STK3: variants seen among roughly 807,000 people sequenced by gnomAD.
The protein encoded by STK3 is serine/threonine kinase 3.
STK3 carries 41 observed loss-of-function variants against 58.0 expected under a neutral mutation model. The ratio of observed to expected loss-of-function variants is 0.71; its 90% CI spans 0.55 to 0.92. The LOEUF is 0.92. STK3 is among the 40% of genes least tolerant of loss of function. STK3 has a pLI of 0.00. For missense variants in STK3, 479 were observed against 602.7 expected, an observed-to-expected ratio of 0.79 and a Z score of 2.15; for synonymous variants, 170 against 191.0, an observed-to-expected ratio of 0.89 and a Z score of 0.91.
In STK3 at chr8:98,579,770, G is replaced by A. The variant is rs527380737; in HGVS notation, c.842C>T (p.Ala281Val). 1.3e-5 allele frequency: 20 copies of A among 1,575,116 alleles called. No homozygotes were observed. In the South Asian group the frequency reaches 2.2e-4, roughly 17 times the overall value. The change falls in exon 8 of 11, where the codon GCC becomes GTC. Residue 281 changes from alanine (A) to valine (V), a missense_variant. By Grantham distance (64) the Ala-to-Val change is moderately conservative. Coordinates refer to ENST00000419617, the MANE Select transcript of STK3 (RefSeq NM_006281.4). Reference sequence around the variant, plus strand: ...GTCTCTTAATATTGATACAGGTTTGGCATTCTTGATAAAAGGATGCTAAAA... The same window carrying A: ...GTCTCTTAATATTGATACAGGTTTGACATTCTTGATAAAAGGATGCTAAAA... ...QLLQHPFIKNAKPVSILRDLI... is the reference protein window; with the variant it reads ...QLLQHPFIKNVKPVSILRDLI...
At chr8:98,856,211 A>G (rs1016708288) in intron 3 of STK3, among the ~76,000 whole-genome samples, 2 of 148,764 alleles carry the variant, frequency 1.3e-5, no homozygotes, top group Admixed American at 6.8e-5. Flanking sequence ...CTGTAATCCC[A>G]CAGCTACTCA....
At chr8:98,872,324 C>A (rs1035107380) in intron 3 of STK3, among the ~76,000 whole-genome samples, 3 of 152,084 alleles carry the variant, frequency 2.0e-5, no homozygotes, top group Non-Finnish European at 4.4e-5. Context: ...TGTGTCTCTG[C>A]CAGGCTTTGG....
chr8:98,491,852 T>C (rs1822728724), intron 10 of STK3, among the ~76,000 whole-genome samples: 1 of 152,188 alleles, frequency 6.6e-6, no homozygotes, highest in Non-Finnish European at 1.5e-5. Flanking sequence ...ACCTTTTATG[T>C]TACTTATGCT....
intron 3 of STK3, among the ~76,000 whole-genome samples, chr8:98,859,121 A>G (rs1410072673): frequency 6.6e-6 from 1 of 152,198 alleles, no homozygotes; most frequent in Non-Finnish European, 1.5e-5. Context: ...AAATTTTCAC[A>G]CCAATAGCTA....
intron 3 of STK3, among the ~76,000 whole-genome samples, chr8:98,842,742 C>T (rs1051103843): frequency 2.0e-5 from 3 of 151,842 alleles, no homozygotes; most frequent in African/African-American, 7.3e-5. Flanking sequence ...TGGCTCATGC[C>T]TGTAATCTCA....
chr8:98,632,075 A>G (rs1819287549), intron 6 of STK3, among the ~76,000 whole-genome samples: 1 of 152,244 alleles, frequency 6.6e-6, no homozygotes, highest in Admixed American at 6.5e-5. Context: ...CTGAGCAGGC[A>G]CTCAATAAAT....
At chr8:98,905,501 A>G in intron 1 of STK3, 1 of 1,158,998 alleles carries the variant, frequency 8.6e-7, no homozygotes, top group South Asian at 1.2e-5. Context: ...GAAGCTTGTA[A>G]TGATGCAAGT....
chr8:98,541,846 G>A (rs981962636), intron 9 of STK3, among the ~76,000 whole-genome samples: 12 of 152,254 alleles, frequency 7.9e-5, no homozygotes, highest in South Asian at 2.1e-4. Context: ...ATTCTGATAC[G>A]ATTTCTTCTC....
At chr8:98,701,711 C>T (rs905601749) in intron 6 of STK3, among the ~76,000 whole-genome samples, 2 of 151,892 alleles carry the variant, frequency 1.3e-5, no homozygotes, top group Non-Finnish European at 2.9e-5. Flanking sequence ...CTCTCACACT[C>T]ACTTCCTAAA....
intron 1 of STK3, chr8:98,438,381 G>A (rs1818568261): frequency 6.6e-6 from 1 of 152,216 alleles, no homozygotes; most frequent in Admixed American, 6.5e-5. Context: ...AGAGCTTGAT[G>A]CCTAGAAACT....
At chr8:98,931,301 AT>A in intron 1 of STK3, among the ~76,000 whole-genome samples, 1 of 152,350 alleles carries the variant, frequency 6.6e-6, no homozygotes, top group Admixed American at 6.5e-5. Context: ...ATACTATCAA[AT>A]TAATAGAACA....
intron 1 of STK3, among the ~76,000 whole-genome samples, chr8:98,933,955 C>T (rs1277675609): frequency 6.6e-6 from 1 of 152,232 alleles, no homozygotes; most frequent in Non-Finnish European, 1.5e-5. Flanking sequence ...AGTCTCTCCA[C>T]ACTTATCTTT....
intron 8 of STK3, among the ~76,000 whole-genome samples, chr8:98,572,143 A>G (rs560590183): frequency 6.6e-6 from 1 of 152,346 alleles, no homozygotes; most frequent in South Asian, 2.1e-4. Context: ...AAGCCATACC[A>G]GCAAACTTAC....
intron 4 of STK3, among the ~76,000 whole-genome samples, chr8:98,738,634 T>G (rs1272261520): frequency 6.6e-6 from 1 of 152,134 alleles, no homozygotes; most frequent in African/African-American, 2.4e-5. Flanking sequence ...TAGGAACAGC[T>G]CTGGTCTACA....
At chr8:98,855,520 G>A (rs1485575575) in intron 3 of STK3, among the ~76,000 whole-genome samples, 1 of 152,106 alleles carries the variant, frequency 6.6e-6, no homozygotes, top group Non-Finnish European at 1.5e-5. Context: ...CTCAAAATTG[G>A]TTAGTGACAT....
intron 3 of STK3, among the ~76,000 whole-genome samples, chr8:98,417,586 C>G (rs941854301): frequency 1.3e-5 from 2 of 152,172 alleles, no homozygotes; most frequent in African/African-American, 4.8e-5. Context: ...TGAATCCTGG[C>G]TCTATCATTG....
At chr8:98,690,724 G>A (rs1470482526) in intron 6 of STK3, among the ~76,000 whole-genome samples, 1 of 151,946 alleles carries the variant, frequency 6.6e-6, no homozygotes, top group African/African-American at 2.4e-5. Flanking sequence ...AACCAAAAAG[G>A]AGCCTAAATA....
At chr8:98,568,039 C>T (rs1179017557) in intron 8 of STK3, among the ~76,000 whole-genome samples, 6 of 151,404 alleles carry the variant, frequency 4.0e-5, no homozygotes, top group African/African-American at 1.5e-4. Context: ...GCCTGAGCAG[C>T]AGAGTGAGAC....
At position 98,484,587 on chromosome 8, in the gene STK3, G is replaced by T. The variant is rs77282218; in HGVS notation, c.1318-28587C>A. On this transcript the variant is annotated intron_variant, in intron 10 of 10. Transcript: ENST00000419617. ...ATATGTACTTTCAATGTGACTAAAC[G>T]ATTTCACCATTTACTATGCTTTTTC... Among the ~76,000 whole-genome samples, 49 of 151,902 alleles carry T rather than the reference G, an allele frequency of 3.2e-4. 1 individual carries two copies. In the East Asian group the frequency reaches 7.9e-3, roughly 25 times the overall value.
Sources: allele counts gnomAD v4.1 joint callset (sites outside exome capture counted in the v4.1 genomes callset), GRCh38; gene constraint gnomAD v4.1.1; transcripts MANE v1.5; gene names NCBI Gene and HGNC (gene_info 2026-07-23, HGNC 2026-07-21).